The following DACH1 variants were observed in gnomAD, a reference collection of about 807,000 sequenced individuals.
DACH1 encodes the protein dachshund family transcription factor 1, also known as dachshund homolog 1.
Under a neutral mutation model 54.2 loss-of-function variants are expected in DACH1, and 12 were observed. That is an observed-to-expected ratio of 0.22 (90% confidence interval 0.14 to 0.36). The LOEUF is 0.36. Ranked by LOEUF, DACH1 falls within the 10% of genes least tolerant of loss-of-function variation. The probability of loss-of-function intolerance (pLI) is 1.00; values close to 1 mark genes in which losing one functional copy is unlikely to be tolerated. For missense variants in DACH1, 805 were observed against 929.8 expected, an observed-to-expected ratio of 0.87 and a Z score of 1.75; for synonymous variants, 386 against 366.2, an observed-to-expected ratio of 1.05 and a Z score of -0.62.
chr13:71,475,919 G>T, intron 8 of DACH1, 70 bp from the exon 9 acceptor site: 3 of 1,165,214 alleles, frequency 2.6e-6, no homozygotes, highest in Non-Finnish European at 3.4e-6. Context: ...TTTCCAAATG[G>T]TCTATATTTT....
At chr13:71,523,784 A>T (rs1025739998) in intron 6 of DACH1, among the ~76,000 whole-genome samples, 5 of 152,148 alleles carry the variant, frequency 3.3e-5, no homozygotes, top group Non-Finnish European at 5.9e-5. Context: ...TTTAATTTTT[A>T]AAAATTAATT....
intron 1 of DACH1, among the ~76,000 whole-genome samples, chr13:71,805,433 T>C (rs1344205121): frequency 1.3e-5 from 2 of 152,204 alleles, no homozygotes; most frequent in African/African-American, 2.4e-5. Context: ...ATATTTCATA[T>C]GTAATTCATA....
chr13:71,486,311 T>G (rs1035389384), intron 7 of DACH1, among the ~76,000 whole-genome samples: 1 of 152,136 alleles, frequency 6.6e-6, no homozygotes, highest in East Asian at 1.9e-4. Flanking sequence ...TGTACCATTT[T>G]GGCATAGAAA....
intron 1 of DACH1, among the ~76,000 whole-genome samples, chr13:71,743,773 C>CA (rs146839730): frequency 0.014 from 2,093 of 151,978 alleles, 38 homozygotes; most frequent in East Asian, 0.049. Flanking sequence ...TTCATGTTAG[C>CA]AAAAAAGAAA....
chr13:71,720,605 C>T (rs78358962), intron 1 of DACH1, among the ~76,000 whole-genome samples: 1,695 of 152,166 alleles, frequency 0.011, 32 homozygotes, highest in Non-Finnish European at 0.011. Context: ...AGAATACTAT[C>T]GGTATTTTAA....
At chr13:71,836,001 A>G (rs1888768620) in intron 1 of DACH1, among the ~76,000 whole-genome samples, 1 of 152,070 alleles carries the variant, frequency 6.6e-6, no homozygotes, top group African/African-American at 2.4e-5. Flanking sequence ...GAAAAAATAA[A>G]ATAGTTCACT....
chr13:71,552,820 TATATATATATATATATATATATAGAG>T (rs1361229729), intron 6 of DACH1, among the ~76,000 whole-genome samples: 55 of 56,444 alleles, frequency 9.7e-4, no homozygotes, highest in African/African-American at 3.5e-3. Context: ...TATATATATA[TATATATATATATATATATATATAGAG>T]AGAGAGAGAG....
rs1882459565 is a variant in DACH1 at position 71,532,131 on chromosome 13, TG to T, written c.1570+24892del. Among the ~76,000 whole-genome samples the T allele has an allele frequency of 2.0e-5, 3 of 152,096 alleles. No homozygotes were observed. In the South Asian group the frequency reaches 6.2e-4, roughly 31 times the overall value. On this transcript the variant is annotated intron_variant, in intron 6 of 10. Transcript: ENST00000613252. Reference sequence around the variant, plus strand: ...GATAACCAAATAATGATAAAGTCCTTGGTTCCATTATGGACACTTGTTACAT... The same window carrying T: ...GATAACCAAATAATGATAAAGTCCTTGTTCCATTATGGACACTTGTTACAT...
intron 1 of DACH1, among the ~76,000 whole-genome samples, chr13:71,857,211 G>C (rs538608502): frequency 6.6e-6 from 1 of 151,726 alleles, no homozygotes; most frequent in South Asian, 2.1e-4. Context: ...AAATTAAGCT[G>C]TTTTTAATCA....
chr13:71,636,625 A>T (rs534724358), intron 2 of DACH1, among the ~76,000 whole-genome samples: 2 of 151,426 alleles, frequency 1.3e-5, no homozygotes, highest in African/African-American at 4.8e-5. Context: ...TTCTTTAAAA[A>T]AAAAAAGTTT....
intron 1 of DACH1, among the ~76,000 whole-genome samples, chr13:71,717,417 C>T (rs1883024632): frequency 6.6e-6 from 1 of 151,800 alleles, no homozygotes; most frequent in Admixed American, 6.6e-5. Flanking sequence ...ACATTTCTTT[C>T]ACTGCAGATA....
chr13:71,597,525 T>C (rs1874180774), intron 3 of DACH1, among the ~76,000 whole-genome samples: 1 of 152,178 alleles, frequency 6.6e-6, no homozygotes, highest in Non-Finnish European at 1.5e-5. Context: ...GGAAAAGTCC[T>C]CTACTGAAAC....
chr13:71,847,325 A>G (rs1873348682), intron 1 of DACH1, among the ~76,000 whole-genome samples: 1 of 152,184 alleles, frequency 6.6e-6, no homozygotes, highest in Non-Finnish European at 1.5e-5. Flanking sequence ...GAATTTCATA[A>G]GAGCATTTGC....
chr13:71,528,354 A>T (rs1020176083), intron 6 of DACH1, among the ~76,000 whole-genome samples: 2 of 152,044 alleles, frequency 1.3e-5, no homozygotes, highest in Admixed American at 6.6e-5. Context: ...CAACTATGGA[A>T]TATATGTTTT....
chr13:71,718,881 G>T (rs1458136814), intron 1 of DACH1, among the ~76,000 whole-genome samples: 1 of 152,020 alleles, frequency 6.6e-6, no homozygotes. Flanking sequence ...CTGATAACTG[G>T]CTGCTCTATC....
intron 1 of DACH1, among the ~76,000 whole-genome samples, chr13:71,823,556 G>GT (rs1475857029): frequency 6.6e-6 from 1 of 151,950 alleles, no homozygotes; most frequent in African/African-American, 2.4e-5. Context: ...TGTTAAACCT[G>GT]TATCTAAAAT....
At chr13:71,816,837 A>C (rs2138169595) in intron 1 of DACH1, among the ~76,000 whole-genome samples, 1 of 152,126 alleles carries the variant, frequency 6.6e-6, no homozygotes, top group East Asian at 1.9e-4. Context: ...ACATGTTCTC[A>C]CTTATAAGTG....
intron 1 of DACH1, among the ~76,000 whole-genome samples, chr13:71,692,971 T>A (rs979707757): frequency 4.6e-5 from 7 of 152,158 alleles, no homozygotes; most frequent in African/African-American, 1.4e-4. Context: ...TTTACTGTAA[T>A]AGGGATTTGT....
chr13:71,835,908 A>C (rs1243918202), intron 1 of DACH1, among the ~76,000 whole-genome samples: 2 of 152,214 alleles, frequency 1.3e-5, no homozygotes, highest in East Asian at 1.9e-4. Context: ...GAGATCTGGA[A>C]ATTTTCTATT....
Sources: allele counts gnomAD v4.1 joint callset (sites outside exome capture counted in the v4.1 genomes callset), GRCh38; gene constraint gnomAD v4.1.1; transcripts MANE v1.5; gene names NCBI Gene and HGNC (gene_info 2026-07-23, HGNC 2026-07-21).